GSE1: variants seen among roughly 807,000 people sequenced by gnomAD.
GSE1 encodes the protein Gse1 coiled-coil protein.
A neutral mutation model predicts 112.6 loss-of-function variants in GSE1; 32 were observed. The observed-to-expected ratio is 0.28, with a 90% CI of 0.21 to 0.38. The LOEUF (loss-of-function observed/expected upper bound fraction) is 0.38, where lower values mean the gene tolerates loss of function less well. Among genes scored for constraint, GSE1 ranks in the 10% least tolerant of loss-of-function variants. GSE1 has a pLI of 1.00. For missense variants in GSE1, 2,348 were observed against 1,699.2 expected (o/e 1.38, Z -6.71); for synonymous variants, 1,115 against 735.6 (o/e 1.52, Z -8.35).
At chr16:85,476,779 T>TC (rs1402750430) in intron 2 of GSE1, among the ~76,000 whole-genome samples, 8 of 151,292 alleles carry the variant, frequency 5.3e-5, no homozygotes, top group Admixed American at 1.3e-4. Flanking sequence ...TGACCATTTT[T>TC]TTTTTTTTTT....
At chr16:85,191,838 C>T (rs2074829789) in intron 1 of GSE1, among the ~76,000 whole-genome samples, 1 of 152,116 alleles carries the variant, frequency 6.6e-6, no homozygotes, top group Admixed American at 6.5e-5. Flanking sequence ...GAAGATTTCC[C>T]TGACACCATG....
chr16:85,321,943 G>T (rs1004861231), intron 1 of GSE1, among the ~76,000 whole-genome samples: 4 of 152,214 alleles, frequency 2.6e-5, no homozygotes, highest in African/African-American at 9.6e-5. Context: ...AGCTGGGGTA[G>T]AGCCAGACCC....
At chr16:85,459,968 C>T (rs1211483727) in intron 2 of GSE1, among the ~76,000 whole-genome samples, 1 of 152,226 alleles carries the variant, frequency 6.6e-6, no homozygotes, top group East Asian at 1.9e-4. Flanking sequence ...CTTCTCAAAG[C>T]ATTTCTGCCA....
intron 2 of GSE1, among the ~76,000 whole-genome samples, chr16:85,380,861 G>C (rs1597544019): frequency 6.6e-6 from 1 of 152,272 alleles, no homozygotes; most frequent in East Asian, 1.9e-4. Context: ...CATTTTCTTT[G>C]GGGAGCTGTG....
At chr16:85,480,797 C>T (rs991232554) in intron 2 of GSE1, among the ~76,000 whole-genome samples, 1 of 152,160 alleles carries the variant, frequency 6.6e-6, no homozygotes, top group Non-Finnish European at 1.5e-5. Context: ...GATTTTTCTG[C>T]CTGACATCCC....
In GSE1 at chr16:85,633,993, C is replaced by G. The variant is rs145744466; in HGVS notation, c.87C>G (p.Leu29=). The G allele has an allele frequency of 2.2e-5, 35 of 1,613,076 alleles. No individual in the cohort carries two copies. In the African/African-American group the frequency reaches 4.3e-4, roughly 20 times the overall value. The change falls in exon 2 of 16, where the codon CTC becomes CTG. Residue 29 remains leucine, a synonymous_variant. Coordinates refer to ENST00000253458, the MANE Select transcript of GSE1 (RefSeq NM_014615.5). The part of the protein sequence containing the change: ...ATRTTATVNP[L]TPSPLNGALV... ...GGACCACCGCCACCGTCAACCCCCT[C>G]ACCCCCTCGCCGCTCAATGGCGCCC... is the stretch of plus-strand genomic sequence containing the variant.
At chr16:85,384,083 G>A (rs1037678945) in intron 2 of GSE1, among the ~76,000 whole-genome samples, 10 of 152,196 alleles carry the variant, frequency 6.6e-5, no homozygotes, top group African/African-American at 2.4e-4. Flanking sequence ...CAGAGAGCAC[G>A]TCTCCCTCGA....
chr16:85,629,306 C>G (rs1223868477), intron 1 of GSE1, among the ~76,000 whole-genome samples: 5 of 152,250 alleles, frequency 3.3e-5, no homozygotes, highest in Non-Finnish European at 7.3e-5. Context: ...GTGGTCATAG[C>G]ACATCTGCCC....
chr16:85,374,497 C>T (rs1036975466), intron 2 of GSE1, among the ~76,000 whole-genome samples: 1 of 149,632 alleles, frequency 6.7e-6, no homozygotes, highest in Non-Finnish European at 1.5e-5. Flanking sequence ...GTGTGTGGCT[C>T]TCAGTGTATA....
At chr16:85,279,820 G>A (rs746216568) in intron 1 of GSE1, among the ~76,000 whole-genome samples, 3 of 152,122 alleles carry the variant, frequency 2.0e-5, no homozygotes, top group Non-Finnish European at 4.4e-5. Context: ...TCCCTCCCCT[G>A]CCTGAGTGAG....
rs190904891 is a variant in GSE1, at chr16:85,209,176, C to A, written c.2283+37369C>A. Among the ~76,000 whole-genome samples the A allele has an allele frequency of 5.8e-4, 89 of 152,258 alleles. 1 individual carries two copies. Among genetic ancestry groups the A allele is most frequent in the Admixed American group, 4.1e-3 (63 of 15,292 alleles). On this transcript the variant is annotated intron_variant, in intron 1 of 2. Coordinates refer to the GSE1 transcript ENST00000637419. ...GTTTCTGTTCTCTGCTCACTGTGGC[C>A]CTGGCCTGCAGAAGCTGCGCAGGAA...
At chr16:85,667,008 T>A (rs908933836) in intron 13 of GSE1, among the ~76,000 whole-genome samples, 3 of 152,246 alleles carry the variant, frequency 2.0e-5, no homozygotes, top group African/African-American at 7.2e-5. Context: ...TCTAGAGGTG[T>A]GCATAGGTGA....
chr16:85,622,242 A>G (rs879526041), intron 1 of GSE1, among the ~76,000 whole-genome samples: 3 of 152,166 alleles, frequency 2.0e-5, no homozygotes, highest in Admixed American at 6.5e-5. Context: ...TCCAAAGTCC[A>G]TCTTGGCTGA....
chr16:85,634,835 A>G (rs769557356), intron 2 of GSE1, among the ~76,000 whole-genome samples: 5 of 152,116 alleles, frequency 3.3e-5, no homozygotes, highest in Non-Finnish European at 5.9e-5. Context: ...TGCGATGACC[A>G]TTGGCAGGGG....
chr16:85,456,630 GTGTGTGTGTGGTC>G, intron 2 of GSE1, among the ~76,000 whole-genome samples: 1 of 143,606 alleles, frequency 7.0e-6, no homozygotes, highest in Non-Finnish European at 1.5e-5. Context: ...GTGTGTGTGT[GTGTGTGTGTGGTC>G]TGCCATTTTT....
chr16:85,495,429 T>TTTTATTTA (rs67017375), intron 2 of GSE1, among the ~76,000 whole-genome samples: 87 of 145,272 alleles, frequency 6.0e-4, no homozygotes, highest in East Asian at 1.0e-3. Context: ...GCTGGGAACA[T>TTTTATTTA]TTTATTTATT....
chr16:85,200,510 C>A (rs1040204805), intron 1 of GSE1, among the ~76,000 whole-genome samples: 1 of 151,920 alleles, frequency 6.6e-6, no homozygotes, highest in African/African-American at 2.4e-5. Flanking sequence ...AACCCAGGGC[C>A]CTGTTCTCTA....
upstream of GSE1, chr16:85,555,021 C>T (rs2045129332): frequency 2.0e-6 from 2 of 985,154 alleles, no homozygotes; most frequent in South Asian, 9.4e-5. Flanking sequence ...GGCGGCCGCG[C>T]GGGGGGAAGC....
At chr16:85,487,898 G>A (rs1387572071) in intron 2 of GSE1, among the ~76,000 whole-genome samples, 2 of 152,184 alleles carry the variant, frequency 1.3e-5, no homozygotes, top group South Asian at 2.1e-4. Context: ...AGGGTGGTTC[G>A]GGGCAAGGGT....
Sources: gnomAD v4.1 joint callset for allele counts (sites outside exome capture counted in the v4.1 genomes callset) on GRCh38, gnomAD v4.1.1 for gene constraint, MANE v1.5 for transcripts, NCBI Gene and HGNC (gene_info 2026-07-23, HGNC 2026-07-21) for gene names.